PDE9A: variants seen among roughly 807,000 people sequenced by gnomAD.
PDE9A encodes high affinity cGMP-specific 3',5'-cyclic phosphodiesterase 9A.
Under a neutral mutation model 87.4 loss-of-function variants are expected in PDE9A, and 60 were observed. That is an observed-to-expected ratio of 0.69 (90% confidence interval 0.56 to 0.85). PDE9A has a LOEUF of 0.85. PDE9A is among the 40% of genes least tolerant of loss of function. The pLI, the probability that PDE9A is intolerant of heterozygous loss-of-function variation, is 0.00. For missense variants in PDE9A, 665 were observed against 779.0 expected (o/e 0.85, Z 1.74); for synonymous variants, 272 against 279.4 (o/e 0.97, Z 0.27).
At chr21:42,718,761 C>T (rs1008654664) in intron 4 of PDE9A, among the ~76,000 whole-genome samples, 4 of 151,782 alleles carry the variant, frequency 2.6e-5, no homozygotes, top group African/African-American at 4.8e-5. Flanking sequence ...AGCCGGCAAG[C>T]GTCCAGGGTG....
chr21:42,754,093 C>T, intron 10 of PDE9A, 29 bp downstream of exon 10: 2 of 1,500,738 alleles, frequency 1.3e-6, no homozygotes, highest in East Asian at 2.3e-5. Flanking sequence ...GGCACCACGT[C>T]CCAGGGGGAG....
At chr21:42,708,679 C>T (rs562778027) in intron 4 of PDE9A, among the ~76,000 whole-genome samples, 5 of 152,316 alleles carry the variant, frequency 3.3e-5, no homozygotes, top group South Asian at 2.1e-4. Context: ...CTCAGCCTCC[C>T]GTGTAGCTGA....
At chr21:42,746,426 G>A (rs1043522399) in intron 8 of PDE9A, among the ~76,000 whole-genome samples, 3 of 152,166 alleles carry the variant, frequency 2.0e-5, no homozygotes, top group African/African-American at 4.8e-5. Context: ...GGACCTTCCC[G>A]GTCTCTCTTG....
chr21:42,726,592 CCATATATATATATATATATATATA>C (rs2051068317), intron 4 of PDE9A, among the ~76,000 whole-genome samples: 1 of 74,238 alleles, frequency 1.3e-5, no homozygotes, highest in African/African-American at 7.2e-5. Flanking sequence ...CCACGCCTGG[CCATATATATATATATATATATATA>C]TATATATATT....
At chr21:42,774,940 T>G (rs575243075) in intron 19 of PDE9A, among the ~76,000 whole-genome samples, 130 of 150,182 alleles carry the variant, frequency 8.7e-4, no homozygotes, top group Non-Finnish European at 1.8e-3. Context: ...TGCTGGCACT[T>G]TTTTTTTTCC....
intron 3 of PDE9A, chr21:42,689,697 G>A (rs2059684004): frequency 2.0e-6 from 2 of 985,448 alleles, no homozygotes; most frequent in Non-Finnish European, 1.2e-6. Flanking sequence ...TTATTAACAA[G>A]AGACAGTATC....
At chr21:42,744,917 C>T (rs2053681823) in intron 8 of PDE9A, among the ~76,000 whole-genome samples, 1 of 152,234 alleles carries the variant, frequency 6.6e-6, no homozygotes, top group South Asian at 2.1e-4. Context: ...CACCTCCGGG[C>T]TTTGCCTCCA....
chr21:42,686,132 T>TGAC, intron 1 of PDE9A, 60 bp from the exon 2 acceptor site: 1 of 1,293,194 alleles, frequency 7.7e-7, no homozygotes, highest in Non-Finnish European at 1.1e-6. Flanking sequence ...ACGTGGCGTC[T>TGAC]GACGTCTCCA....
In PDE9A at chr21:42,707,179, T is replaced by C. The variant is rs188569243; in HGVS notation, c.262+8168T>C. Among the ~76,000 whole-genome samples, 41 of 152,330 alleles carry C rather than the reference T, an allele frequency of 2.7e-4. No homozygotes were observed. In the East Asian group the frequency reaches 4.6e-3, roughly 17 times the overall value. On this transcript the variant is annotated intron_variant, in intron 4 of 19. Coordinates refer to ENST00000291539, the MANE Select transcript of PDE9A (RefSeq NM_002606.3). ...ATTGGATTAAATGAGATATTAAAAA[T>C]TTTTTTAAAGTCTAGCCGTCTTGAA...
intron 4 of PDE9A, among the ~76,000 whole-genome samples, chr21:42,706,390 A>G (rs1405855586): frequency 1.3e-5 from 2 of 152,222 alleles, no homozygotes; most frequent in Non-Finnish European, 2.9e-5. Flanking sequence ...CACGCCTGTA[A>G]TCCCAGCACT....
At chr21:42,670,312 C>A (rs1041856108) in intron 1 of PDE9A, among the ~76,000 whole-genome samples, 3 of 117,712 alleles carry the variant, frequency 2.5e-5, no homozygotes, top group Non-Finnish European at 4.8e-5. Context: ...TACACTTAGA[C>A]ACCACACTCA....
intron 4 of PDE9A, chr21:42,700,939 G>C (rs2048336329): frequency 6.6e-6 from 1 of 152,110 alleles, no homozygotes; most frequent in Non-Finnish European, 1.5e-5. Flanking sequence ...TTTCAAAAAT[G>C]TTATTGCTTT....
At position 42,760,097 on chromosome 21, in the gene PDE9A, G is replaced by C. The variant is rs1181259983; in HGVS notation, c.898-231G>C. Among the ~76,000 whole-genome samples, 1 of 152,028 alleles carries C rather than the reference G, an allele frequency of 6.6e-6. No homozygotes were observed. Among genetic ancestry groups the C allele is most frequent in the African/African-American group, 2.4e-5 (1 of 41,356 alleles). Reference sequence around the variant, plus strand: ...CTGCAGGGTGAAACCCCTGGTGGGAGCTCTGTCCCCACACCTGCCCCGGGT... The same window carrying C: ...CTGCAGGGTGAAACCCCTGGTGGGACCTCTGTCCCCACACCTGCCCCGGGT... On this transcript the variant is annotated intron_variant, in intron 11 of 19. Coordinates refer to ENST00000291539, the MANE Select transcript of PDE9A (RefSeq NM_002606.3). The surrounding 1 kb of genome is among the most constrained non-coding windows in gnomAD (Gnocchi z 5.2).
chr21:42,713,651 T>G (rs2049548584), intron 4 of PDE9A, among the ~76,000 whole-genome samples: 1 of 152,250 alleles, frequency 6.6e-6, no homozygotes, highest in Non-Finnish European at 1.5e-5. Flanking sequence ...TTTTGTCCTA[T>G]GTCCCTTTAC....
At chr21:42,669,754 C>T (rs1317902425) in intron 1 of PDE9A, among the ~76,000 whole-genome samples, 1 of 152,150 alleles carries the variant, frequency 6.6e-6, no homozygotes, top group East Asian at 1.9e-4. Flanking sequence ...TCCCGGAGAG[C>T]CGAGTGTCTC....
chr21:42,726,176 T>C (rs1028660039), intron 4 of PDE9A, among the ~76,000 whole-genome samples: 3 of 152,204 alleles, frequency 2.0e-5, no homozygotes, highest in African/African-American at 7.2e-5. Context: ...TTTTCTACCA[T>C]TGAGTTTTGA....
intron 7 of PDE9A, among the ~76,000 whole-genome samples, chr21:42,742,895 T>C (rs1053061506): frequency 2.0e-5 from 3 of 152,150 alleles, no homozygotes; most frequent in African/African-American, 7.2e-5. Context: ...GCGCTGATCT[T>C]AGGAGCAATT....
intron 4 of PDE9A, among the ~76,000 whole-genome samples, chr21:42,706,643 C>CAA (rs71332369): frequency 0.022 from 3,163 of 144,472 alleles, 61 homozygotes; most frequent in South Asian, 0.047. Context: ...GACTCTATCT[C>CAA]AAAAAAAAAA....
intron 9 of PDE9A, among the ~76,000 whole-genome samples, chr21:42,752,111 G>A (rs1286249375): frequency 6.6e-6 from 1 of 152,124 alleles, no homozygotes; most frequent in Non-Finnish European, 1.5e-5. Context: ...CAGAGGCCTG[G>A]GCTAAACACA....
Sources: gnomAD v4.1 joint callset for allele counts (sites outside exome capture counted in the v4.1 genomes callset) on GRCh38, gnomAD v4.1.1 for gene constraint, Gnocchi (gnomAD v3.1) non-coding constraint, MANE v1.5 for transcripts, NCBI Gene and HGNC (gene_info 2026-07-23, HGNC 2026-07-21) for gene names.